The following SYT1 variants were observed in gnomAD, a reference collection of about 807,000 sequenced individuals.
The protein encoded by SYT1 is synaptotagmin 1.
Under a neutral mutation model 44.8 loss-of-function variants are expected in SYT1, and 8 were observed. The ratio of observed to expected loss-of-function variants is 0.18; its 90% CI spans 0.10 to 0.32. SYT1 has a LOEUF of 0.32. Ranked by LOEUF, SYT1 falls within the 10% of genes least tolerant of loss-of-function variation. SYT1 has a pLI of 1.00. For synonymous variants in SYT1, 154 were observed against 188.8 expected (o/e 0.82, Z 1.51); for missense variants, 286 against 509.3 (o/e 0.56, Z 4.22).
intron 8 of SYT1, among the ~76,000 whole-genome samples, chr12:79,308,844 A>C (rs984345187): frequency 3.9e-5 from 6 of 152,250 alleles, no homozygotes. Context: ...TATCATCTGC[A>C]CATACACAAC....
At chr12:79,221,059 C>A (rs1331925102) in intron 4 of SYT1, among the ~76,000 whole-genome samples, 1 of 152,096 alleles carries the variant, frequency 6.6e-6, no homozygotes, top group Non-Finnish European at 1.5e-5. Flanking sequence ...GTTGATCTCT[C>A]CCTTCAGGTC....
chr12:79,141,122 T>C (rs1333111807), intron 3 of SYT1, among the ~76,000 whole-genome samples: 4 of 152,238 alleles, frequency 2.6e-5, no homozygotes, highest in Admixed American at 2.6e-4. Flanking sequence ...ATATCAAAGT[T>C]CAGTATTGTT....
intron 1 of SYT1, among the ~76,000 whole-genome samples, chr12:78,917,016 C>T (rs1876692615): frequency 1.3e-5 from 2 of 152,012 alleles, no homozygotes; most frequent in South Asian, 4.1e-4. Flanking sequence ...CATTGAAGCC[C>T]TGACCTCAAA....
intron 1 of SYT1, among the ~76,000 whole-genome samples, chr12:78,873,994 A>G (rs1873942217): frequency 6.6e-6 from 1 of 151,708 alleles, no homozygotes; most frequent in African/African-American, 2.4e-5. Context: ...CTATAGAAAG[A>G]ATACAAAATT....
intron 8 of SYT1, among the ~76,000 whole-genome samples, chr12:79,303,786 G>A (rs953523318): frequency 1.2e-4 from 19 of 152,086 alleles, no homozygotes; most frequent in African/African-American, 3.6e-4. Context: ...ACTTCCAATG[G>A]TCAATTCCTT....
chr12:79,311,024 T>A (rs1053204337), intron 8 of SYT1, among the ~76,000 whole-genome samples: 4 of 152,264 alleles, frequency 2.6e-5, no homozygotes, highest in Admixed American at 2.6e-4. Flanking sequence ...TCCTGCCTAA[T>A]GGCCCTGGCC....
intron 9 of SYT1, among the ~76,000 whole-genome samples, chr12:79,434,292 G>GT (rs1188344671): frequency 6.6e-6 from 1 of 152,056 alleles, no homozygotes; most frequent in African/African-American, 2.4e-5. Context: ...TTTAAATTGT[G>GT]TGTTTACACA....
intron 8 of SYT1, among the ~76,000 whole-genome samples, chr12:79,311,322 C>T (rs1457458052): frequency 6.6e-6 from 1 of 151,906 alleles, no homozygotes; most frequent in Non-Finnish European, 1.5e-5. Flanking sequence ...AATGAGATAC[C>T]ATCTCACACC....
At chr12:78,929,504 A>T (rs995210922) in intron 1 of SYT1, among the ~76,000 whole-genome samples, 8 of 144,446 alleles carry the variant, frequency 5.5e-5, no homozygotes, top group Non-Finnish European at 1.2e-4. Flanking sequence ...CAATAATTTT[A>T]CTTTCTAACT....
chr12:79,022,309 A>G (rs1432196516), intron 2 of SYT1, among the ~76,000 whole-genome samples: 2 of 151,850 alleles, frequency 1.3e-5, no homozygotes, highest in African/African-American at 4.8e-5. Context: ...CAAACTCAGT[A>G]TTGTTACTCC....
At chr12:78,992,979 CTA>C (rs1400727289) in intron 2 of SYT1, among the ~76,000 whole-genome samples, 3 of 152,124 alleles carry the variant, frequency 2.0e-5, no homozygotes, top group African/African-American at 7.2e-5. Flanking sequence ...AGAAAATTCT[CTA>C]TATGTTTCCT....
intron 3 of SYT1, among the ~76,000 whole-genome samples, chr12:79,092,808 T>G (rs941952401): frequency 4.0e-5 from 6 of 151,838 alleles, no homozygotes; most frequent in Admixed American, 2.0e-4. Context: ...AAGATGCTTT[T>G]AGAGAAGAAG....
intron 3 of SYT1, among the ~76,000 whole-genome samples, chr12:79,169,108 TC>T (rs1213774363): frequency 6.6e-6 from 1 of 152,058 alleles, no homozygotes; most frequent in Admixed American, 6.6e-5. Context: ...TGTGATTTTC[TC>T]CATTTGCAAA....
intron 1 of SYT1, among the ~76,000 whole-genome samples, chr12:78,881,769 G>GA (rs1017222170): frequency 3.4e-5 from 5 of 149,156 alleles, no homozygotes; most frequent in Admixed American, 2.7e-4. Context: ...GGAAAAGATA[G>GA]AAAAAAAAAG....
At chr12:78,993,509 T>G (rs1870159815) in intron 2 of SYT1, among the ~76,000 whole-genome samples, 1 of 152,188 alleles carries the variant, frequency 6.6e-6, no homozygotes, top group Non-Finnish European at 1.5e-5. Flanking sequence ...ATTCAGAAAT[T>G]CTGCTATTCT....
At chr12:79,158,367 C>T (rs1408085771) in intron 3 of SYT1, among the ~76,000 whole-genome samples, 1 of 152,042 alleles carries the variant, frequency 6.6e-6, no homozygotes, top group Non-Finnish European at 1.5e-5. Flanking sequence ...AATGTCACTG[C>T]TGATCTGACA....
intron 9 of SYT1, among the ~76,000 whole-genome samples, chr12:79,395,840 A>G (rs1485623058): frequency 6.6e-6 from 1 of 152,258 alleles, no homozygotes; most frequent in Non-Finnish European, 1.5e-5. Flanking sequence ...GATGCATATC[A>G]TATCAAAATA....
At chr12:79,278,129 C>T (rs1022136829) in intron 4 of SYT1, among the ~76,000 whole-genome samples, 4 of 152,068 alleles carry the variant, frequency 2.6e-5, no homozygotes, top group Non-Finnish European at 5.9e-5. Context: ...AACAAGGGAG[C>T]ACTAGACTTA....
intron 1 of SYT1, among the ~76,000 whole-genome samples, chr12:78,889,080 GA>G (rs1293183952): frequency 6.6e-6 from 1 of 150,908 alleles, no homozygotes; most frequent in African/African-American, 2.4e-5. Flanking sequence ...TTTTTTTTAA[GA>G]AAAAATCAAG....
Sources: allele counts gnomAD v4.1 joint callset (sites outside exome capture counted in the v4.1 genomes callset), GRCh38; gene constraint gnomAD v4.1.1; transcripts MANE v1.5; gene names NCBI Gene and HGNC (gene_info 2026-07-23, HGNC 2026-07-21).